The following RUNX1T1 variants were observed in gnomAD, a reference collection of about 807,000 sequenced individuals.
RUNX1T1 encodes protein CBFA2T1.
Under a neutral mutation model 62.8 loss-of-function variants are expected in RUNX1T1, and 4 were observed. The ratio of observed to expected loss-of-function variants is 0.06; its 90% CI spans 0.03 to 0.15. The LOEUF is 0.15. Ranked by LOEUF, RUNX1T1 falls within the 10% of genes least tolerant of loss-of-function variation. The probability of loss-of-function intolerance (pLI) is 1.00; values close to 1 mark genes in which losing one functional copy is unlikely to be tolerated. For synonymous variants in RUNX1T1, 291 were observed against 286.0 expected (o/e 1.02, Z -0.18); for missense variants, 508 against 754.3 (o/e 0.67, Z 3.82).
chr8:91,980,753 C>G (rs1264387338), intron 8 of RUNX1T1, among the ~76,000 whole-genome samples: 1 of 152,184 alleles, frequency 6.6e-6, no homozygotes, highest in Non-Finnish European at 1.5e-5. Context: ...CTCACTGTCA[C>G]TTTGACCTCC....
intron 2 of RUNX1T1, among the ~76,000 whole-genome samples, chr8:92,074,534 G>A (rs923201993): frequency 1.3e-4 from 20 of 152,140 alleles, no homozygotes; most frequent in African/African-American, 4.8e-4. Flanking sequence ...TTAAGCCCAA[G>A]CTTAATGTGG....
At chr8:92,081,321 T>A in intron 1 of RUNX1T1, 5 of 709,458 alleles carry the variant, frequency 7.0e-6, no homozygotes, top group Non-Finnish European at 6.9e-6. Context: ...CCTATTTTAA[T>A]ATAATTAAAT....
exon 10 of RUNX1T1, chr8:91,970,680 T>G: frequency 1.9e-6 from 3 of 1,608,384 alleles, no homozygotes; most frequent in Non-Finnish European, 2.5e-6. Flanking sequence ...CTCCTGCTGA[T>G]TGATAACTGC....
At chr8:92,085,782 G>T (rs956297730) in intron 1 of RUNX1T1, among the ~76,000 whole-genome samples, 1 of 152,122 alleles carries the variant, frequency 6.6e-6, no homozygotes, top group East Asian at 1.9e-4. Flanking sequence ...AGATTTTTTT[G>T]TTGTTTCTTC....
intron 1 of RUNX1T1, among the ~76,000 whole-genome samples, chr8:92,041,968 A>G (rs372697327): frequency 6.6e-5 from 10 of 151,586 alleles, no homozygotes; most frequent in African/African-American, 2.2e-4. Context: ...ACAGGCAACC[A>G]CCACCATACA....
exon 11 of RUNX1T1, chr8:91,960,474 C>G: frequency 1.2e-6 from 2 of 1,614,188 alleles, no homozygotes; most frequent in Non-Finnish European, 1.7e-6. Flanking sequence ...TGTGTTACAG[C>G]CACTGCAGGT....
chr8:92,025,080 C>G (rs1274654923), intron 1 of RUNX1T1, among the ~76,000 whole-genome samples: 1 of 152,148 alleles, frequency 6.6e-6, no homozygotes, highest in African/African-American at 2.4e-5. Flanking sequence ...AAATTCTAGA[C>G]CCAAACTTCC....
intron 1 of RUNX1T1, among the ~76,000 whole-genome samples, chr8:92,076,598 T>C (rs1587499726): frequency 6.6e-6 from 1 of 152,258 alleles, no homozygotes; most frequent in Non-Finnish European, 1.5e-5. Context: ...TCAAATTTTG[T>C]TTCGCTGTTC....
chr8:92,022,693 G>A (rs992852315), intron 1 of RUNX1T1, among the ~76,000 whole-genome samples: 1 of 152,180 alleles, frequency 6.6e-6, no homozygotes, highest in African/African-American at 2.4e-5. Flanking sequence ...GCCTCCAGAA[G>A]TATGAGAAAT....
At chr8:92,017,142 A>C in intron 2 of RUNX1T1, 84 bp downstream of exon 3, 1 of 1,043,352 alleles carries the variant, frequency 9.6e-7, no homozygotes, top group Admixed American at 2.1e-5. Flanking sequence ...GCTGAATTTT[A>C]TTTTCCCTTG....
At chr8:91,960,596 TC>T in intron 10 of RUNX1T1, 79 bp from the exon 12 acceptor site, 1 of 1,435,396 alleles carries the variant, frequency 7.0e-7, no homozygotes, top group Non-Finnish European at 9.6e-7. Flanking sequence ...ATGTTAGGCA[TC>T]ACTGTAGCCT....
chr8:91,961,031 G>A (rs1462673779), intron 10 of RUNX1T1, among the ~76,000 whole-genome samples: 1 of 152,206 alleles, frequency 6.6e-6, no homozygotes, highest in Non-Finnish European at 1.5e-5. Flanking sequence ...TGCTCCTTCA[G>A]ACTAGACAAG....
At chr8:92,052,805 A>G (rs1490655467) in intron 1 of RUNX1T1, among the ~76,000 whole-genome samples, 1 of 152,148 alleles carries the variant, frequency 6.6e-6, no homozygotes, top group African/African-American at 2.4e-5. Flanking sequence ...CCTTGACCCC[A>G]TGTTGAGAAC....
intron 1 of RUNX1T1, among the ~76,000 whole-genome samples, chr8:92,056,904 A>T (rs1052005928): frequency 6.6e-6 from 1 of 152,214 alleles, no homozygotes; most frequent in African/African-American, 2.4e-5. Context: ...AGCCAGGATG[A>T]CCACATTCCA....
intron 2 of RUNX1T1, 142 bp from the exon 4 acceptor site, chr8:92,014,962 T>C: frequency 1.3e-6 from 1 of 796,608 alleles, no homozygotes; most frequent in Middle Eastern, 3.8e-4. Context: ...TGCTTGGACT[T>C]CACAGGGTTA....
At chr8:92,049,059 G>T (rs1829846757) in intron 1 of RUNX1T1, among the ~76,000 whole-genome samples, 1 of 152,138 alleles carries the variant, frequency 6.6e-6, no homozygotes, top group Non-Finnish European at 1.5e-5. Context: ...TATCTCACCT[G>T]ATCAGCTGGT....
chr8:92,076,470 AAAAT>A (rs1018044062), intron 1 of RUNX1T1, among the ~76,000 whole-genome samples: 19 of 152,276 alleles, frequency 1.2e-4, no homozygotes, highest in African/African-American at 4.3e-4. Flanking sequence ...CTGTTTCAAA[AAAAT>A]AAATAATCTG....
intron 2 of RUNX1T1, 143 bp downstream of exon 3, chr8:92,017,083 C>G (rs1241002953): frequency 6.2e-6 from 4 of 643,024 alleles, no homozygotes; most frequent in South Asian, 2.0e-5. Context: ...TACCTACTTA[C>G]TGGCAAACAA....
intron 1 of RUNX1T1, among the ~76,000 whole-genome samples, chr8:92,055,980 G>A (rs2130483625): frequency 6.6e-6 from 1 of 152,284 alleles, no homozygotes; most frequent in East Asian, 1.9e-4. Context: ...CAGGGAAAAT[G>A]TCAGGATCAC....
Sources: allele counts gnomAD v4.1 joint callset (sites outside exome capture counted in the v4.1 genomes callset), GRCh38; gene constraint gnomAD v4.1.1; transcripts MANE v1.5; gene names NCBI Gene and HGNC (gene_info 2026-07-23, HGNC 2026-07-21).